The following TRPM3 variants were observed in gnomAD, a reference collection of about 807,000 sequenced individuals.
The protein encoded by TRPM3 is transient receptor potential cation channel subfamily M member 3.
A neutral mutation model predicts 181.2 loss-of-function variants in TRPM3; 77 were observed. That is an observed-to-expected ratio of 0.42 (90% CI 0.35 to 0.51). The LOEUF (loss-of-function observed/expected upper bound fraction) is 0.51, where lower values mean the gene tolerates loss of function less well. TRPM3 is among the 20% of genes least tolerant of loss of function. The pLI, the probability that TRPM3 is intolerant of heterozygous loss-of-function variation, is 0.01. For synonymous variants in TRPM3, 745 were observed against 796.4 expected, an observed-to-expected ratio of 0.94 and a Z score of 1.09; for missense variants, 1,759 against 2,196.7, an observed-to-expected ratio of 0.80 and a Z score of 3.98.
chr9:70,820,466 T>C (rs1416077030), intron 6 of TRPM3, among the ~76,000 whole-genome samples: 1 of 152,130 alleles, frequency 6.6e-6, no homozygotes, highest in African/African-American at 2.4e-5. Context: ...TGACCTCAGG[T>C]GATCCGCCCA....
chr9:71,162,199 CAAAAAAAA>C (rs35947110), intron 1 of TRPM3, among the ~76,000 whole-genome samples: 4 of 74,456 alleles, frequency 5.4e-5, no homozygotes, highest in African/African-American at 2.2e-4. Context: ...GACTCTGTCT[CAAAAAAAA>C]AAAAAAAAAA....
At chr9:70,929,893 C>A (rs1308121783) in intron 1 of TRPM3, among the ~76,000 whole-genome samples, 1 of 152,192 alleles carries the variant, frequency 6.6e-6, no homozygotes, top group Non-Finnish European at 1.5e-5. Context: ...AGCTCTTCAG[C>A]CTGTTAGAAG....
intron 1 of TRPM3, among the ~76,000 whole-genome samples, chr9:70,984,030 A>G (rs1424493126): frequency 6.6e-6 from 1 of 152,150 alleles, no homozygotes; most frequent in African/African-American, 2.4e-5. Flanking sequence ...CAGTCCAGCT[A>G]TGTGAGCCAG....
chr9:70,924,199 A>G (rs1299589851), intron 1 of TRPM3, among the ~76,000 whole-genome samples: 1 of 152,080 alleles, frequency 6.6e-6, no homozygotes, highest in Non-Finnish European at 1.5e-5. Context: ...AAAAGCCCCC[A>G]CATACCCAAC....
chr9:71,412,046 T>C (rs539787665), intron 1 of TRPM3, among the ~76,000 whole-genome samples: 3 of 152,310 alleles, frequency 2.0e-5, no homozygotes, highest in African/African-American at 4.8e-5. Flanking sequence ...GCTAGCCATA[T>C]GTAGAAAGCT....
chr9:70,535,999 A>T lies in TRPM3; in HGVS notation c.5114T>A (p.Leu1705Gln). The part of the protein sequence containing the change: ...GRGDSLSMRR[L>Q]SRTSAFQSFE... ...GCTTTGGAAAGCCGATGTTCTGGAC[A>T]GTCTCCTCATGGACAGGCTGTCCCC... Residue 1705 changes from leucine to glutamine, a missense_variant, in exon 26 of 26, where the codon CTG (leucine) becomes CAG (glutamine). Leu to Gln is a moderately radical substitution (Grantham distance 113). Around this residue, in one of 8 missense-constraint regions of TRPM3, gnomAD observed 612 missense variants for 590.0 expected, o/e 1.04. Transcript: ENST00000677713. 6.2e-7 allele frequency: 1 copy of T among 1,613,188 alleles called. No individual in the cohort carries two copies. Among genetic ancestry groups the T allele is most frequent in the Non-Finnish European group, 8.5e-7 (1 of 1,179,608 alleles).
intron 1 of TRPM3, among the ~76,000 whole-genome samples, chr9:70,905,936 C>T (rs1174603774): frequency 6.6e-6 from 1 of 152,056 alleles, no homozygotes; most frequent in Non-Finnish European, 1.5e-5. Flanking sequence ...CAGGGTCTCA[C>T]TATTGTCACC....
chr9:71,343,475 A>G (rs986035582), intron 1 of TRPM3, among the ~76,000 whole-genome samples: 1 of 152,096 alleles, frequency 6.6e-6, no homozygotes, highest in African/African-American at 2.4e-5. Flanking sequence ...TATGTTGGAC[A>G]ATGAATAGAT....
Position 71,060,465 on chromosome 9 carries a change from T to C in TRPM3, c.177+60713A>G, listed in dbSNP as rs117337788. On this transcript the variant is annotated intron_variant, in intron 1 of 25. Transcript: ENST00000677713. ...AAAAATATGATTCTTGGAAGTTCAG[T>C]AACATGTCCGACATCATTCAACAAG... is the stretch of plus-strand genomic sequence containing the variant. 4.9e-3 allele frequency among the ~76,000 whole-genome samples: 748 copies of C among 152,232 alleles called. 18 individuals are homozygous for C. In the East Asian group the frequency reaches 0.078, roughly 16 times the overall value.
chr9:71,445,438 T>A (rs2094190725), intron 1 of TRPM3, among the ~76,000 whole-genome samples: 1 of 152,234 alleles, frequency 6.6e-6, no homozygotes, highest in Non-Finnish European at 1.5e-5. Flanking sequence ...ACTTGCCTTT[T>A]TAGCGGTGCT....
intron 1 of TRPM3, among the ~76,000 whole-genome samples, chr9:71,253,930 A>G (rs2082510026): frequency 6.6e-6 from 1 of 152,078 alleles, no homozygotes; most frequent in Non-Finnish European, 1.5e-5. Flanking sequence ...ATAAATTATT[A>G]TTATTATTGA....
rs573766963 is a variant in TRPM3, at chr9:70,537,073, C to T, written c.4040G>A (p.Arg1347Gln). ...PTSPTLMPRM[R>Q]SHSFYSVNMK... ...ATTGACCGAATAGAAAGAATGGCTTCGCATACGGGGCATTAAGGTTGGAGA... is the reference window on the plus strand; with the variant it reads ...ATTGACCGAATAGAAAGAATGGCTTTGCATACGGGGCATTAAGGTTGGAGA... Residue 1347 changes from arginine (R) to glutamine (Q), a missense_variant, in exon 26 of 26, where the codon CGA becomes CAA. Arg to Gln is a conservative substitution (Grantham distance 43, BLOSUM62 1). Coordinates refer to ENST00000677713, the MANE Select transcript of TRPM3 (RefSeq NM_001366145.2). 37 of 1,611,954 alleles carry T rather than the reference C, an allele frequency of 2.3e-5. No homozygotes were observed. In the Admixed American group the frequency reaches 3.3e-4, roughly 15 times the overall value.
chr9:70,590,359 G>A (rs1244187424), intron 22 of TRPM3, among the ~76,000 whole-genome samples: 1 of 152,118 alleles, frequency 6.6e-6, no homozygotes, highest in Non-Finnish European at 1.5e-5. Context: ...GGGGCTTGCT[G>A]GCATTCACTC....
chr9:71,149,212 C>A (rs1324197262), intron 1 of TRPM3, among the ~76,000 whole-genome samples: 2 of 152,150 alleles, frequency 1.3e-5, no homozygotes, highest in East Asian at 3.9e-4. Context: ...CCAGCCTAAG[C>A]AACATAGGGA....
At chr9:70,650,211 GC>G (rs2059429236) in intron 9 of TRPM3, among the ~76,000 whole-genome samples, 1 of 152,116 alleles carries the variant, frequency 6.6e-6, no homozygotes, top group African/African-American at 2.4e-5. Context: ...TGAGTACTAT[GC>G]TCACTGCTAC....
At chr9:70,769,925 C>T (rs990196554) in intron 7 of TRPM3, among the ~76,000 whole-genome samples, 1 of 152,056 alleles carries the variant, frequency 6.6e-6, no homozygotes, top group African/African-American at 2.4e-5. Context: ...GGCGGTCTCC[C>T]CCATGCCTCT....
chr9:70,934,301 G>T (rs945911680), intron 1 of TRPM3, among the ~76,000 whole-genome samples: 1 of 152,148 alleles, frequency 6.6e-6, no homozygotes, highest in African/African-American at 2.4e-5. Flanking sequence ...TGGCCTAAGA[G>T]TTGTGGCATT....
Position 70,871,970 on chromosome 9 carries a change from G to A in TRPM3, c.178-7459C>T, listed in dbSNP as rs868078781. On this transcript the variant is annotated intron_variant, in intron 1 of 25. Transcript: ENST00000677713. ...AGTGAAATCAGATTTTCTACCATCA[G>A]TAACGAGATTTTAACATGGAAAATG... Among the ~76,000 whole-genome samples, 18 of 152,064 alleles carry A rather than the reference G, an allele frequency of 1.2e-4. No homozygotes were observed. In the Middle Eastern group the frequency reaches 0.014, roughly 115 times the overall value.
At chr9:71,135,787 A>T (rs2074727681) in intron 1 of TRPM3, among the ~76,000 whole-genome samples, 1 of 152,220 alleles carries the variant, frequency 6.6e-6, no homozygotes, top group Non-Finnish European at 1.5e-5. Flanking sequence ...TCAGGCAAAA[A>T]AAACCCCCAG....
Sources: allele counts gnomAD v4.1 joint callset (sites outside exome capture counted in the v4.1 genomes callset), GRCh38; gene constraint gnomAD v4.1.1; regional missense constraint gnomAD v4.1.1; transcripts MANE v1.5; gene names NCBI Gene and HGNC (gene_info 2026-07-23, HGNC 2026-07-21).